Variants in MRTFB observed in about 807,000 individuals in gnomAD.
The protein encoded by MRTFB is myocardin-related transcription factor B.
A neutral mutation model predicts 104.2 loss-of-function variants in MRTFB; 29 were observed. The observed-to-expected ratio is 0.28, with a 90% CI of 0.21 to 0.38. The LOEUF (loss-of-function observed/expected upper bound fraction) is 0.38. Ranked by LOEUF, MRTFB falls within the 10% of genes least tolerant of loss-of-function variation. The pLI is 1.00. For synonymous variants in MRTFB, 535 were observed against 519.5 expected, an observed-to-expected ratio of 1.03 and a Z score of -0.41; for missense variants, 1,270 against 1,341.6, an observed-to-expected ratio of 0.95 and a Z score of 0.83.
chr16:14,053,805 A>G, the MRTFB span, among the ~76,000 whole-genome samples: 1 of 151,794 alleles, frequency 6.6e-6, no homozygotes, highest in Non-Finnish European at 1.5e-5. Context: ...CTGAGGCAGG[A>G]GGAGCCCAGG....
the MRTFB span, among the ~76,000 whole-genome samples, chr16:14,034,543 G>A: frequency 3.3e-5 from 5 of 151,536 alleles, no homozygotes; most frequent in African/African-American, 1.2e-4. Flanking sequence ...GAACCCAGGA[G>A]GCAGAGGTTG....
chr16:14,187,918 T>G (rs963639405), intron 3 of MRTFB, among the ~76,000 whole-genome samples: 1 of 152,218 alleles, frequency 6.6e-6, no homozygotes, highest in African/African-American at 2.4e-5. Flanking sequence ...AGCCTCTGCT[T>G]TCAGCTGCTG....
intron 2 of MRTFB, among the ~76,000 whole-genome samples, chr16:14,116,475 T>G (rs368514656): frequency 1.3e-5 from 2 of 152,172 alleles, no homozygotes; most frequent in South Asian, 2.1e-4. Context: ...TTTTATATGC[T>G]TATTTCATGA....
In MRTFB at chr16:14,127,911, ATATATATATATATATATATTTTTTT is replaced by A. The variant is rs1172276287; in HGVS notation, c.-63-12631_-63-12607del. On this transcript the variant is annotated intron_variant, in intron 2 of 16. Coordinates refer to ENST00000571589, the MANE Select transcript of MRTFB (RefSeq NM_001308142.2). ...TTTTAGCAAAACTGAATATATATATATATATATATATATATATATTTTTTTTTTTTTTTTTTTTTTCTTTTTTTCC... is the reference window on the plus strand; with the variant it reads ...TTTTAGCAAAACTGAATATATATATATTTTTTTTTTTTTTTCTTTTTTTCC... Among the ~76,000 whole-genome samples, 509 of 53,588 alleles carry A rather than the reference ATATATATATATATATATATTTTTTT, an allele frequency of 9.5e-3. 2 individuals carry two copies. The highest frequency in any genetic ancestry group is 0.018 in the African/African-American group (201 of 11,200). 35.2% of individuals were successfully genotyped at this position (53,588 alleles called of 152,430 possible).
At chr16:14,064,009 G>A in the MRTFB span, among the ~76,000 whole-genome samples, 3 of 152,176 alleles carry the variant, frequency 2.0e-5, no homozygotes, top group Admixed American at 6.5e-5. Context: ...GGATTGCTGG[G>A]TCCAATGGTA....
intron 3 of MRTFB, among the ~76,000 whole-genome samples, chr16:14,174,261 A>T (rs760079786): frequency 2.0e-4 from 30 of 152,142 alleles, no homozygotes; most frequent in Admixed American, 2.0e-3. Flanking sequence ...AAAGCCTCCT[A>T]TTAATTGTGT....
chr16:14,064,566 G>T, the MRTFB span, among the ~76,000 whole-genome samples: 1 of 152,132 alleles, frequency 6.6e-6, no homozygotes, highest in South Asian at 2.1e-4. Context: ...GTATTTCCTA[G>T]GTTTTCTTCA....
In MRTFB at chr16:14,247,469, A is replaced by G; in HGVS notation, c.2209A>G (p.Thr737Ala). The part of the protein sequence containing the change: ...LPVSIQGSSV[T>A]SVQLPVGSLK... ...AGTGTCCATCCAGGGCTCGAGTGTC[A>G]CCTCAGTGCAACTCCCTGTAGGCAG... is the stretch of plus-strand genomic sequence containing the variant. Residue 737 changes from threonine (T) to alanine (A), a missense_variant, in exon 12 of 17, where the codon ACC (threonine) becomes GCC (alanine). Around this residue, in one of 3 missense-constraint regions of MRTFB, gnomAD observed 1,144 missense variants for 1,131.5 expected, o/e 1.01. Transcript: ENST00000571589. The G allele has an allele frequency of 6.3e-7, 1 of 1,582,468 alleles. No individual in the cohort carries two copies. The highest frequency in any genetic ancestry group is 8.6e-7 in the Non-Finnish European group (1 of 1,169,184).
Position 14,140,527 on chromosome 16 carries a change from A to T in MRTFB, c.-63-17A>T. The T allele has an allele frequency of 6.5e-7, 1 of 1,534,096 alleles. No individual in the cohort carries two copies. The highest frequency in any genetic ancestry group is 1.2e-5 in the South Asian group (1 of 84,680). On this transcript the variant is annotated splice_polypyrimidine_tract_variant and intron_variant, in intron 2 of 16. Coordinates refer to ENST00000571589, the MANE Select transcript of MRTFB (RefSeq NM_001308142.2). Reference sequence around the variant, plus strand: ...ACATAACTGCACCATCTCTTTACACATTCTTTATTTTGGCAGTGTCTTCAA... The same window carrying T: ...ACATAACTGCACCATCTCTTTACACTTTCTTTATTTTGGCAGTGTCTTCAA...
At chr16:14,220,402 G>A (rs2041637716) in intron 8 of MRTFB, among the ~76,000 whole-genome samples, 1 of 152,014 alleles carries the variant, frequency 6.6e-6, no homozygotes, top group South Asian at 2.1e-4. Flanking sequence ...TACAGAATGT[G>A]TCACAACAGC....
the MRTFB span, among the ~76,000 whole-genome samples, chr16:14,046,151 A>G: frequency 2.6e-5 from 4 of 152,108 alleles, no homozygotes; most frequent in Non-Finnish European, 4.4e-5. Context: ...ATCCCTCTCT[A>G]CATGACACAT....
chr16:14,213,950 G>A (rs1223436896), intron 6 of MRTFB, among the ~76,000 whole-genome samples: 1 of 152,174 alleles, frequency 6.6e-6, no homozygotes, highest in Non-Finnish European at 1.5e-5. Flanking sequence ...CATAAAGAAT[G>A]CAATAGCACA....
intron 3 of MRTFB, among the ~76,000 whole-genome samples, chr16:14,167,560 C>T (rs1220856888): frequency 6.6e-6 from 1 of 152,082 alleles, no homozygotes; most frequent in African/African-American, 2.4e-5. Context: ...TTGATGTTTT[C>T]ATTATGAAAT....
rs569508440 is a variant in MRTFB at position 14,223,743 on chromosome 16, A to G, written c.693+4745A>G. 3.9e-5 allele frequency among the ~76,000 whole-genome samples: 6 copies of G among 152,340 alleles called. No individual in the cohort carries two copies. In the South Asian group the frequency reaches 1.0e-3, roughly 26 times the overall value. ...CTTATAGGACACCATCAAGCGATCAATGTATTCACTATGAGAGTTCCAAAA... is the reference window on the plus strand; with the variant it reads ...CTTATAGGACACCATCAAGCGATCAGTGTATTCACTATGAGAGTTCCAAAA... On this transcript the variant is annotated intron_variant, in intron 8 of 16. Coordinates refer to ENST00000571589, the MANE Select transcript of MRTFB (RefSeq NM_001308142.2).
At chr16:14,243,870 T>C (rs1453308890) in intron 10 of MRTFB, among the ~76,000 whole-genome samples, 2 of 143,230 alleles carry the variant, frequency 1.4e-5, no homozygotes, top group Non-Finnish European at 3.0e-5. Context: ...TTGGGTTTTT[T>C]TTTTTTTGAG....
At chr16:14,029,439 T>TAC in the MRTFB span, among the ~76,000 whole-genome samples, 3 of 77,382 alleles carry the variant, frequency 3.9e-5, no homozygotes, top group African/African-American at 1.1e-4. Flanking sequence ...TATATATATA[T>TAC]ATATATACAC....
At chr16:14,029,092 G>A in the MRTFB span, among the ~76,000 whole-genome samples, 89 of 152,062 alleles carry the variant, frequency 5.9e-4, no homozygotes, top group Middle Eastern at 6.8e-3. Flanking sequence ...GCCAAGGCAG[G>A]AGGATCAGGC....
At chr16:14,164,940 T>A (rs993861875) in intron 3 of MRTFB, among the ~76,000 whole-genome samples, 2 of 150,914 alleles carry the variant, frequency 1.3e-5, no homozygotes, top group East Asian at 3.9e-4. Context: ...AAAAAAAAGC[T>A]GAAGACAAAA....
chr16:14,246,857 A>AT lies in MRTFB; in HGVS notation c.1598dup (p.Met533IlefsTer17). ...CACTTTCACCGAGATTATGACCATG[A>AT]TGTCGCCTTCACAGTTCTTGAGTTC... On this transcript the variant is annotated frameshift_variant, in exon 12 of 17. Transcript: ENST00000571589. LOFTEE classifies it high-confidence loss of function. 1 of 1,613,126 alleles carries AT rather than the reference A, an allele frequency of 6.2e-7. No individual in the cohort carries two copies. Among genetic ancestry groups the AT allele is most frequent in the Non-Finnish European group, 8.5e-7 (1 of 1,180,038 alleles).
Sources: gnomAD v4.1 joint callset for allele counts (sites outside exome capture counted in the v4.1 genomes callset) on GRCh38, gnomAD v4.1.1 for gene constraint, gnomAD v4.1.1 regional missense constraint, MANE v1.5 for transcripts, NCBI Gene and HGNC (gene_info 2026-07-23, HGNC 2026-07-21) for gene names.